RNF212B: variants seen among roughly 807,000 people sequenced by gnomAD.
RNF212B encodes the protein E3 ubiquitin-protein ligase RNF212B.
Under a neutral mutation model 55.5 loss-of-function variants are expected in RNF212B, and 52 were observed. The observed-to-expected ratio is 0.94, with a 90% CI of 0.75 to 1.18. The LOEUF (loss-of-function observed/expected upper bound fraction) is 1.18, where lower values mean the gene tolerates loss of function less well. RNF212B is among the 50% of genes most tolerant of loss of function. The pLI is 0.00. For synonymous variants in RNF212B, 99 were observed against 121.4 expected, an observed-to-expected ratio of 0.82 and a Z score of 1.21; for missense variants, 289 against 350.4, an observed-to-expected ratio of 0.82 and a Z score of 1.40.
chr14:23,203,061 A>AT (rs1202872598), intron 2 of RNF212B, among the ~76,000 whole-genome samples: 1 of 151,832 alleles, frequency 6.6e-6, no homozygotes, highest in Non-Finnish European at 1.5e-5. Flanking sequence ...GATTTGTGAG[A>AT]TTTTGGTGTA....
chr14:23,236,724 A>G (rs192492093), upstream of RNF212B, among the ~76,000 whole-genome samples: 28 of 152,186 alleles, frequency 1.8e-4, 1 homozygote, highest in African/African-American at 6.3e-4. Context: ...GAGGGTCTTC[A>G]ATAATTTTGT....
At position 23,258,576 on chromosome 14, in the gene RNF212B, G is replaced by T; in HGVS notation, c.256G>T (p.Asp86Tyr). 1 of 1,540,544 alleles carries T rather than the reference G, an allele frequency of 6.5e-7. No homozygotes were observed. The highest frequency in any genetic ancestry group is 8.8e-7 in the Non-Finnish European group (1 of 1,142,264). Residue 86 changes from aspartate to tyrosine, a missense_variant, in exon 5 of 15, where the codon GAT becomes TAT. Transcript: ENST00000430154. Reference sequence around the variant, plus strand: ...GTGGAGTTTCCAGAAGAAACAAACAGATCTCCTCATCGCCTTTTATAAGCA... The same window carrying T: ...GTGGAGTTTCCAGAAGAAACAAACATATCTCCTCATCGCCTTTTATAAGCA... ...QVWSFQKKQT[D>Y]LLIAFYKHRI... is the part of the protein sequence containing the mutation.
chr14:23,264,269 G>A, intron 10 of RNF212B, 35 bp downstream of exon 10: 3 of 1,474,002 alleles, frequency 2.0e-6, no homozygotes, highest in Non-Finnish European at 2.8e-6. Flanking sequence ...CCAGATTGAA[G>A]TTTCTAATGC....
chr14:23,262,867 C>G (rs1484585946), intron 8 of RNF212B, 61 bp from the exon 9 acceptor site: 11 of 1,506,690 alleles, frequency 7.3e-6, no homozygotes, highest in Non-Finnish European at 9.0e-6. Flanking sequence ...AACAAATTGG[C>G]CAGGCAAGGC....
At chr14:23,249,885 G>A (rs994293114) in intron 4 of RNF212B, among the ~76,000 whole-genome samples, 3 of 152,116 alleles carry the variant, frequency 2.0e-5, no homozygotes, top group Non-Finnish European at 4.4e-5. Flanking sequence ...GAACCGTCAC[G>A]ATAATCTATT....
chr14:23,195,588 C>T lies in RNF212B; in HGVS notation c.-2+2187C>T, dbSNP rs573558529. ...TCTCCCCTACTTCATGCACTCATTTCGTGTGCTCAGTATCTTCTTCCAACA... is the reference window on the plus strand; with the variant it reads ...TCTCCCCTACTTCATGCACTCATTTTGTGTGCTCAGTATCTTCTTCCAACA... On this transcript the variant is annotated intron_variant, in intron 2 of 15. Transcript: ENST00000399910. Among the ~76,000 whole-genome samples, 3 of 152,258 alleles carry T rather than the reference C, an allele frequency of 2.0e-5. No homozygotes were observed. The South Asian group carries it at 6.2e-4, about 32-fold the overall frequency.
intron 2 of RNF212B, among the ~76,000 whole-genome samples, chr14:23,202,143 C>A (rs776099280): frequency 1.2e-4 from 18 of 151,048 alleles, no homozygotes; most frequent in Non-Finnish European, 4.4e-5. Flanking sequence ...CCCAGCTATT[C>A]GGGAGTCTGA....
chr14:23,244,732 T>A (rs1026826697), intron 4 of RNF212B, among the ~76,000 whole-genome samples: 2 of 152,232 alleles, frequency 1.3e-5, no homozygotes, highest in African/African-American at 4.8e-5. Flanking sequence ...TTTGAGTATA[T>A]AGGCCTGGCC....
intron 6 of RNF212B, 85 bp downstream of exon 6, chr14:23,260,029 A>C (rs940881409): frequency 1.5e-6 from 1 of 647,850 alleles, no homozygotes; most frequent in Non-Finnish European, 2.6e-6. Flanking sequence ...AGTGTTTCCT[A>C]ATCTTTTTCT....
chr14:23,245,446 A>C (rs1442116292), intron 4 of RNF212B, among the ~76,000 whole-genome samples: 1 of 152,248 alleles, frequency 6.6e-6, no homozygotes, highest in Non-Finnish European at 1.5e-5. Flanking sequence ...ACCTAGGCAT[A>C]GTTAATGATC....
chr14:23,264,720 G>C (rs1885550936), intron 11 of RNF212B, 49 bp downstream of exon 11: 1 of 1,161,650 alleles, frequency 8.6e-7, no homozygotes, highest in Non-Finnish European at 1.1e-6. Flanking sequence ...TCTATGCGAA[G>C]ATCTGCGGAT....
intron 2 of RNF212B, among the ~76,000 whole-genome samples, chr14:23,226,214 C>T (rs1217813476): frequency 6.8e-6 from 1 of 147,068 alleles, no homozygotes; most frequent in Non-Finnish European, 1.5e-5. Context: ...AGGAGAATCG[C>T]TTGAACCCAG....
intron 1 of RNF212B, among the ~76,000 whole-genome samples, chr14:23,238,728 C>G (rs537027113): frequency 7.0e-6 from 1 of 143,252 alleles, no homozygotes; most frequent in South Asian, 2.2e-4. Context: ...AGAGCCAGAC[C>G]CTGTCTCAAA....
At chr14:23,187,400 G>T (rs957627522) in intron 1 of RNF212B, among the ~76,000 whole-genome samples, 1 of 152,074 alleles carries the variant, frequency 6.6e-6, no homozygotes, top group Non-Finnish European at 1.5e-5. Context: ...CCAGGCTGGA[G>T]TGTAGTGGCA....
chr14:23,224,458 G>A (rs1363457130), intron 2 of RNF212B, among the ~76,000 whole-genome samples: 1 of 152,164 alleles, frequency 6.6e-6, no homozygotes, highest in Non-Finnish European at 1.5e-5. Context: ...CACAACAACA[G>A]TGAACTCATT....
At chr14:23,244,832 T>A (rs1391230941) in intron 4 of RNF212B, among the ~76,000 whole-genome samples, 1 of 152,208 alleles carries the variant, frequency 6.6e-6, no homozygotes, top group Non-Finnish European at 1.5e-5. Context: ...CATTCTCACT[T>A]TTCAATAACC....
chr14:23,251,220 C>T lies in RNF212B; in HGVS notation c.228+6824C>T, dbSNP rs539862019. On this transcript the variant is annotated intron_variant, in intron 4 of 14. Transcript: ENST00000430154. The stretch of plus-strand genomic sequence containing the variant: ...GTGTGAGATGTTTTCTGATACCAAC[C>T]AGTTCTCTGACACCAACTAGGTATG... 1.4e-4 allele frequency among the ~76,000 whole-genome samples: 21 copies of T among 151,354 alleles called. No homozygotes were observed. The South Asian group carries it at 4.2e-3, about 30-fold the overall frequency.
chr14:23,251,071 A>G (rs2140454464), intron 4 of RNF212B, among the ~76,000 whole-genome samples: 1 of 152,316 alleles, frequency 6.6e-6, no homozygotes, highest in African/African-American at 2.4e-5. Context: ...TGACACTACT[A>G]AAAGACAAGA....
chr14:23,247,184 A>G (rs60476895), intron 4 of RNF212B, among the ~76,000 whole-genome samples: 12,076 of 151,558 alleles, frequency 0.08, 639 homozygotes, highest in African/African-American at 0.15. Context: ...TAAACACCCC[A>G]TCTACTTTTT....
Sources: gnomAD v4.1 joint callset for allele counts (sites outside exome capture counted in the v4.1 genomes callset) on GRCh38, gnomAD v4.1.1 for gene constraint, MANE v1.5 for transcripts, NCBI Gene and HGNC (gene_info 2026-07-23, HGNC 2026-07-21) for gene names.